Variants in NFE2L3 observed in about 807,000 individuals in gnomAD.
NFE2L3 encodes the protein NFE2 like bZIP transcription factor 3.
A neutral mutation model predicts 23.5 loss-of-function variants in NFE2L3; 18 were observed. The ratio of observed to expected loss-of-function variants is 0.77; its 90% CI spans 0.53 to 1.13. The LOEUF is 1.13. NFE2L3 is among the 50% of genes most tolerant of loss of function. The pLI is 0.00. For missense variants in NFE2L3, 1,152 were observed against 877.2 expected, an observed-to-expected ratio of 1.31 and a Z score of -3.96; for synonymous variants, 424 against 354.5, an observed-to-expected ratio of 1.20 and a Z score of -2.20.
intron 1 of NFE2L3, among the ~76,000 whole-genome samples, chr7:26,157,962 C>T (rs1247580197): frequency 6.6e-6 from 1 of 152,318 alleles, no homozygotes; most frequent in South Asian, 2.1e-4. Context: ...ATCACCTGAG[C>T]TCTGCCTTCA....
Position 26,184,613 on chromosome 7 carries a change from C to G in NFE2L3, c.915C>G (p.Phe305Leu), listed in dbSNP as rs1390232742. ...MNSSAHYHVNFSQAISQDVNL... is the reference protein window; with the variant it reads ...MNSSAHYHVNLSQAISQDVNL... ...CTTCAGCACATTATCATGTAAACTT[C>G]AGCCAGGCTATAAGTCAGGATGTGA... The change falls in exon 4 of 4, where the codon TTC becomes TTG. Residue 305 changes from phenylalanine (F) to leucine (L), a missense_variant. Phe to Leu is a conservative substitution (Grantham distance 22, BLOSUM62 0). Coordinates refer to ENST00000056233, the MANE Select transcript of NFE2L3 (RefSeq NM_004289.7). 6.2e-7 allele frequency: 1 copy of G among 1,613,916 alleles called. No individual in the cohort carries two copies. The highest frequency in any genetic ancestry group is 2.2e-5 in the East Asian group (1 of 44,870).
chr7:26,155,915 A>G (rs1022569667), intron 1 of NFE2L3, among the ~76,000 whole-genome samples: 1 of 152,166 alleles, frequency 6.6e-6, no homozygotes, highest in Non-Finnish European at 1.5e-5. Flanking sequence ...GGAAAAGCCC[A>G]TGGGAAGAGC....
chr7:26,168,827 C>T (rs1029719160), intron 1 of NFE2L3, among the ~76,000 whole-genome samples: 33 of 152,210 alleles, frequency 2.2e-4, no homozygotes, highest in Non-Finnish European at 4.4e-5. Flanking sequence ...TACATTCCCA[C>T]CAGCAGGGGA....
intron 1 of NFE2L3, among the ~76,000 whole-genome samples, chr7:26,171,215 G>T (rs1030168108): frequency 2.0e-5 from 3 of 152,194 alleles, no homozygotes; most frequent in Non-Finnish European, 4.4e-5. Flanking sequence ...TTTAATATCT[G>T]TTACAAGAAA....
Position 26,178,004 on chromosome 7 carries a change from A to C in NFE2L3, c.632A>C (p.Asn211Thr). ...GATCATAGTTCCCAGCATGAGGAAA[A>C]TGAAGAAAGGGTGTCAGCCCAGAAG... ...AVDHSSQHEE[N>T]EERVSAQKEN... The change falls in exon 2 of 4, where the codon AAT becomes ACT. Residue 211 changes from asparagine to threonine, a missense_variant. Transcript: ENST00000056233. 1 of 1,614,182 alleles carries C rather than the reference A, an allele frequency of 6.2e-7. No homozygotes were observed. The highest frequency in any genetic ancestry group is 8.5e-7 in the Non-Finnish European group (1 of 1,180,012).
chr7:26,186,340 T>C lies in NFE2L3; in HGVS notation c.*557T>C, dbSNP rs1424456996. ...GAATCTGAACCAAATTTACCTTACTTTCCTTCCAAAATATCCACATTCAGG... is the reference window on the plus strand; with the variant it reads ...GAATCTGAACCAAATTTACCTTACTCTCCTTCCAAAATATCCACATTCAGG... On this transcript the variant is annotated 3_prime_UTR_variant, in exon 4 of 4. Transcript: ENST00000056233. The C allele has an allele frequency of 6.6e-6, 1 of 152,252 alleles. No homozygotes were observed. Among genetic ancestry groups the C allele is most frequent in the Non-Finnish European group, 1.5e-5 (1 of 68,070 alleles). The allele number at this position is 152,252 out of a possible 1,614,324, so 9.4% of individuals were successfully genotyped here.
intron 1 of NFE2L3, among the ~76,000 whole-genome samples, chr7:26,170,686 C>A (rs2237331): frequency 0.18 from 27,704 of 152,100 alleles, 4,098 homozygotes; most frequent in African/African-American, 0.42. Flanking sequence ...TTCCAAGTAT[C>A]AGGAATTCCA....
At position 26,185,058 on chromosome 7, in the gene NFE2L3, G is replaced by C; in HGVS notation, c.1360G>C (p.Glu454Gln). 6.2e-7 allele frequency: 1 copy of C among 1,613,732 alleles called. No homozygotes were observed. Among genetic ancestry groups the C allele is most frequent in the Non-Finnish European group, 8.5e-7 (1 of 1,179,708 alleles). The stretch of plus-strand genomic sequence containing the variant: ...TGCTATAGGTTATTGCACTGACCAT[G>C]AATCTAGTTCCCATCATGACTTAGA... ...EGAIGYCTDHESSSHHDLEGA... is the reference protein window; with the variant it reads ...EGAIGYCTDHQSSSHHDLEGA... The change falls in exon 4 of 4, where the codon GAA becomes CAA. Residue 454 changes from glutamate (E) to glutamine (Q), a missense_variant. By Grantham distance (29) the Glu-to-Gln change is conservative. Transcript: ENST00000056233.
At chr7:26,155,013 T>A (rs1784060362) in intron 1 of NFE2L3, among the ~76,000 whole-genome samples, 1 of 152,242 alleles carries the variant, frequency 6.6e-6, no homozygotes, top group Non-Finnish European at 1.5e-5. Context: ...ACTGCTGGGA[T>A]GACCTGGTTA....
At position 26,165,057 on chromosome 7, in the gene NFE2L3, T is replaced by C. The variant is rs568725376; in HGVS notation, c.570+11989T>C. The stretch of plus-strand genomic sequence containing the variant: ...TGCTGTTTTGGTTACTGTAGCCTTG[T>C]AGTATAGTTTGAAGTCAGGTAGCGT... On this transcript the variant is annotated intron_variant, in intron 1 of 3. Coordinates refer to ENST00000056233, the MANE Select transcript of NFE2L3 (RefSeq NM_004289.7). Among the ~76,000 whole-genome samples, 1,081 of 152,316 alleles carry C rather than the reference T, an allele frequency of 7.1e-3. 13 individuals carry two copies. The highest frequency in any genetic ancestry group is 0.025 in the African/African-American group (1,034 of 41,572).
Position 26,186,707 on chromosome 7 carries a change from C to T in NFE2L3, c.*924C>T, listed in dbSNP as rs751551073. ...TGAGATCTCACCAGAACACTGTAAG[C>T]CATATAAACAGTAGGGAAAGAGTCA... On this transcript the variant is annotated 3_prime_UTR_variant, in exon 4 of 4. Transcript: ENST00000056233. 1 of 152,080 alleles carries T rather than the reference C, an allele frequency of 6.6e-6. No individual in the cohort carries two copies. The highest frequency in any genetic ancestry group is 1.5e-5 in the Non-Finnish European group (1 of 68,018). The allele number at this position is 152,080 out of a possible 1,614,324, so 9.4% of individuals were successfully genotyped here. A position where few individuals can be genotyped will look rare whatever the true frequency, so the allele number is the denominator to read the frequency against.
chr7:26,163,878 C>T (rs1583928517), intron 1 of NFE2L3, among the ~76,000 whole-genome samples: 1 of 151,730 alleles, frequency 6.6e-6, no homozygotes, highest in Non-Finnish European at 1.5e-5. Context: ...CATTGTTCAA[C>T]TCCCACTTAT....
At chr7:26,164,125 A>C (rs1035400336) in intron 1 of NFE2L3, among the ~76,000 whole-genome samples, 3 of 152,234 alleles carry the variant, frequency 2.0e-5, no homozygotes, top group Non-Finnish European at 4.4e-5. Context: ...ATATGTGTGC[A>C]TGTGTCTTTA....
rs1583922837 is a variant in NFE2L3 at position 26,152,795 on chromosome 7, G to A, written c.297G>A (p.Gly99=). 6.7e-7 allele frequency: 1 copy of A among 1,486,566 alleles called. No homozygotes were observed. Among genetic ancestry groups the A allele is most frequent in the Non-Finnish European group, 8.9e-7 (1 of 1,126,042 alleles). 92.1% of individuals were successfully genotyped at this position (1,486,566 alleles called of 1,614,324 possible). A position where few individuals can be genotyped will look rare whatever the true frequency, so the allele number is the denominator to read the frequency against. ...GQLLREVRAL[G]VPFVPRTSVD... The stretch of plus-strand genomic sequence containing the variant: ...TGCTCCGGGAGGTGCGCGCGCTCGG[G>A]GTCCCCTTCGTCCCTCGCACCAGCG... The change falls in exon 1 of 4, where the codon GGG becomes GGA. Residue 99 remains glycine, a synonymous_variant. Coordinates refer to ENST00000056233, the MANE Select transcript of NFE2L3 (RefSeq NM_004289.7). This position sits in a 1 kb window ranked among gnomAD's most constrained non-coding sequence, Gnocchi z 4.4.
At chr7:26,184,254 AATTACAAG>A (rs1782417032) in intron 3 of NFE2L3, 1 of 398,436 alleles carries the variant, frequency 2.5e-6, no homozygotes, top group East Asian at 4.7e-5. Context: ...TAAAGTAGCA[AATTACAAG>A]ATTGTAACAT....
At chr7:26,156,265 CTTAG>C (rs1172464182) in intron 1 of NFE2L3, among the ~76,000 whole-genome samples, 1 of 152,150 alleles carries the variant, frequency 6.6e-6, no homozygotes, top group Non-Finnish European at 1.5e-5. Context: ...CACTTAAGTG[CTTAG>C]TTAGTAAATG....
rs1428685071 is a variant in NFE2L3, at chr7:26,152,777, G to A, written c.279G>A (p.Arg93=). 6.7e-7 allele frequency: 1 copy of A among 1,484,990 alleles called. No homozygotes were observed. The highest frequency in any genetic ancestry group is 2.3e-5 in the Admixed American group (1 of 44,210). 92.0% of individuals were successfully genotyped at this position (1,484,990 alleles called of 1,614,324 possible). Residue 93 remains arginine (R), a synonymous_variant, in exon 1 of 4, where the codon CGG becomes CGA. Coordinates refer to ENST00000056233, the MANE Select transcript of NFE2L3 (RefSeq NM_004289.7). This position sits in a 1 kb window ranked among gnomAD's most constrained non-coding sequence, Gnocchi z 4.4. The part of the protein sequence containing the change: ...PAAPPEGQLL[R]EVRALGVPFV... ...CGCCGCCCGAGGGCCAGCTGCTCCG[G>A]GAGGTGCGCGCGCTCGGGGTCCCCT...
rs147154002 is a variant in NFE2L3, at chr7:26,153,732, C to T, written c.570+664C>T. Among the ~76,000 whole-genome samples, 8 of 152,272 alleles carry T rather than the reference C, an allele frequency of 5.3e-5. No homozygotes were observed. In the East Asian group the frequency reaches 1.4e-3, roughly 26 times the overall value. On this transcript the variant is annotated intron_variant, in intron 1 of 3. Transcript: ENST00000056233. Reference sequence around the variant, plus strand: ...CAGTCACTTAGTGACTAACAAGTTCCCTTTGGTTTATGGGTCCAAACCCTT... The same window carrying T: ...CAGTCACTTAGTGACTAACAAGTTCTCTTTGGTTTATGGGTCCAAACCCTT...
intron 1 of NFE2L3, among the ~76,000 whole-genome samples, chr7:26,153,508 C>T (rs999652568): frequency 6.6e-6 from 1 of 152,200 alleles, no homozygotes; most frequent in Non-Finnish European, 1.5e-5. Flanking sequence ...CGGCCTAACG[C>T]AAGGACCTTC....
Sources: allele counts gnomAD v4.1 joint callset (sites outside exome capture counted in the v4.1 genomes callset), GRCh38; gene constraint gnomAD v4.1.1; non-coding constraint Gnocchi (gnomAD v3.1); transcripts MANE v1.5; gene names NCBI Gene and HGNC (gene_info 2026-07-23, HGNC 2026-07-21).